MAP3K15: variants seen among roughly 807,000 people sequenced by gnomAD.
MAP3K15 encodes the protein mitogen-activated protein kinase kinase kinase 15.
In MAP3K15, 124 loss-of-function variants were observed where a neutral mutation model predicts 99.5. That is an observed-to-expected ratio of 1.25 (90% CI 1.08 to 1.45). MAP3K15 has a LOEUF of 1.45. Among genes scored for constraint, MAP3K15 ranks in the 40% most tolerant of loss-of-function variants. MAP3K15 has a pLI of 0.00. For missense variants in MAP3K15, 1,242 were observed against 1,079.7 expected, an observed-to-expected ratio of 1.15 and a Z score of -2.11; for synonymous variants, 494 against 439.6, an observed-to-expected ratio of 1.12 and a Z score of -1.55.
At chrX:19,407,736 G>A (rs1223820508) in intron 12 of MAP3K15, among the ~76,000 whole-genome samples, 1 of 112,376 alleles carries the variant, frequency 8.9e-6, no homozygotes, top group Non-Finnish European at 1.9e-5. Flanking sequence ...TGTAGCTCAA[G>A]AAAGGCCTTT....
rs2064556725 is a variant in MAP3K15, at chrX:19,515,483, G to C, written c.-222C>G. ...ACGCTCAGGCCCCAAGGCCCCCAGC[G>C]CCCTTTGAAGGCCGGAGAGAAAGAG... On this transcript the variant is annotated 5_prime_UTR_variant, in exon 1 of 29. Transcript: ENST00000338883. Among the ~76,000 whole-genome samples, 1 of 110,593 alleles carries C rather than the reference G, an allele frequency of 9.0e-6. No homozygotes were observed. The highest frequency in any genetic ancestry group is 1.9e-5 in the Non-Finnish European group (1 of 52,406).
At chrX:19,366,342 T>A (rs778208923) in intron 25 of MAP3K15, among the ~76,000 whole-genome samples, 1 of 111,793 alleles carries the variant, frequency 8.9e-6, no homozygotes, top group Admixed American at 9.5e-5. Flanking sequence ...AGACACATCA[T>A]CCTGTCTAAG....
rs1292082929 is a variant in MAP3K15, at chrX:19,485,711, G to C, written c.525+771C>G. ...GAATAGGAAGAGAGTCTGTAGGCCT[G>C]TTCCTTCTAGAAGAGCTAGCAGGAA... On this transcript the variant is annotated intron_variant, in intron 3 of 28. Coordinates refer to ENST00000338883, the MANE Select transcript of MAP3K15 (RefSeq NM_001001671.4). 3.9e-4 allele frequency among the ~76,000 whole-genome samples: 43 copies of C among 110,471 alleles called. 1 individual carries two copies. In the Admixed American group the frequency reaches 4.2e-3, roughly 11 times the overall value.
intron 11 of MAP3K15, 113 bp downstream of exon 11, chrX:19,413,244 C>G: frequency 1.9e-6 from 1 of 526,927 alleles, no homozygotes. Context: ...GATACTCTCT[C>G]ATATATTCTC....
rs1250143605 is a variant in MAP3K15, at chrX:19,453,393, AG to A, written c.995+3519del. 2.6e-4 allele frequency among the ~76,000 whole-genome samples: 28 copies of A among 109,082 alleles called. No individual in the cohort carries two copies. In the Admixed American group the frequency reaches 2.6e-3, roughly 10 times the overall value. 94.7% of individuals were successfully genotyped at this position (109,082 alleles called of 115,157 possible). On this transcript the variant is annotated intron_variant, in intron 6 of 28. Coordinates refer to ENST00000338883, the MANE Select transcript of MAP3K15 (RefSeq NM_001001671.4). ...TGCGCACCTGTAATCCCAGCTACTC[AG>A]GGGGCTAAGGCAGCAGAATCGCTTG...
intron 1 of MAP3K15, among the ~76,000 whole-genome samples, chrX:19,508,615 G>A (rs2064496155): frequency 8.9e-6 from 1 of 112,048 alleles, no homozygotes; most frequent in African/African-American, 3.2e-5. Flanking sequence ...GGGGGTGGTG[G>A]TTCACGCCTG....
At chrX:19,373,423 A>C in intron 21 of MAP3K15, 113 bp downstream of exon 21, 1 of 945,707 alleles carries the variant, frequency 1.1e-6, no homozygotes, top group Non-Finnish European at 1.4e-6. Flanking sequence ...GCCCTGCAGA[A>C]GGGAAGTAAA....
At chrX:19,493,347 A>AC (rs2064380656) in intron 1 of MAP3K15, among the ~76,000 whole-genome samples, 1 of 72,471 alleles carries the variant, frequency 1.4e-5, no homozygotes, top group African/African-American at 5.3e-5. Context: ...ACTGCTACTC[A>AC]AAAAAAAAAA....
rs776027024 is a variant in MAP3K15, at chrX:19,513,712, G to C, written c.361+1189C>G. On this transcript the variant is annotated intron_variant, in intron 1 of 28. Transcript: ENST00000338883. ...CTATCTCATCAGCTTTTAGGTTTAGGGTAGGCACTGTTAACTCCCTTTGAC... is the reference window on the plus strand; with the variant it reads ...CTATCTCATCAGCTTTTAGGTTTAGCGTAGGCACTGTTAACTCCCTTTGAC... 2.4e-4 allele frequency among the ~76,000 whole-genome samples: 27 copies of C among 111,473 alleles called. 1 individual carries two copies. Among genetic ancestry groups the C allele is most frequent in the African/African-American group, 8.5e-4 (26 of 30,657 alleles).
chrX:19,374,339 C>T, intron 20 of MAP3K15, 138 bp downstream of exon 20: 4 of 553,341 alleles, frequency 7.2e-6, no homozygotes, highest in Non-Finnish European at 8.7e-6. Flanking sequence ...GGCCCCGTCA[C>T]TCTTCACAAA....
At chrX:19,451,068 T>C (rs1306303998) in intron 6 of MAP3K15, among the ~76,000 whole-genome samples, 1 of 108,575 alleles carries the variant, frequency 9.2e-6, no homozygotes, top group African/African-American at 3.3e-5. Context: ...GGTGGATTAC[T>C]TGAGGTCAGG....
chrX:19,407,052 T>G (rs2063653643), intron 13 of MAP3K15, 136 bp downstream of exon 13: 3 of 406,713 alleles, frequency 7.4e-6, no homozygotes, highest in African/African-American at 5.3e-5. Context: ...TTACAGAAAT[T>G]TTAGAGCTTT....
chrX:19,425,525 A>G lies in MAP3K15; in HGVS notation c.1439+6T>C. 8.4e-7 allele frequency: 1 copy of G among 1,191,983 alleles called. No homozygotes were observed. The highest frequency in any genetic ancestry group is 3.0e-5 in the East Asian group (1 of 33,704). ...TGGGTGATGACAACACACAGACACA[A>G]CTCACCAGACTGGAGGTTTCAGTTT... On this transcript the variant is annotated splice_donor_region_variant and intron_variant, in intron 9 of 28. Coordinates refer to ENST00000338883, the MANE Select transcript of MAP3K15 (RefSeq NM_001001671.4).
intron 9 of MAP3K15, among the ~76,000 whole-genome samples, chrX:19,421,355 A>G (rs35495672): frequency 9.0e-6 from 1 of 111,505 alleles, no homozygotes; most frequent in Non-Finnish European, 1.9e-5. Context: ...ATCAATGTGC[A>G]AAAATCACAA....
chrX:19,375,703 C>A (rs2063412085), intron 19 of MAP3K15, among the ~76,000 whole-genome samples: 1 of 112,344 alleles, frequency 8.9e-6, no homozygotes, highest in Non-Finnish European at 1.9e-5. Flanking sequence ...TGGGGGCTGG[C>A]TCAGCCTCCA....
At chrX:19,493,346 C>CAAA (rs755083263) in intron 1 of MAP3K15, among the ~76,000 whole-genome samples, 596 of 49,128 alleles carry the variant, frequency 0.012, 6 homozygotes, top group African/African-American at 0.032. Flanking sequence ...TACTGCTACT[C>CAAA]AAAAAAAAAA....
intron 11 of MAP3K15, among the ~76,000 whole-genome samples, chrX:19,411,287 G>T (rs1030685438): frequency 8.9e-6 from 1 of 112,152 alleles, no homozygotes; most frequent in Non-Finnish European, 1.9e-5. Context: ...CTGAGCATTT[G>T]GCTCAAGAGA....
At chrX:19,466,637 T>C (rs996747806) in intron 3 of MAP3K15, 4 of 112,450 alleles carry the variant, frequency 3.6e-5, no homozygotes, top group Non-Finnish European at 7.5e-5. Context: ...CAGTTCTTTA[T>C]AGCAGTATGA....
chrX:19,393,975 T>C (rs1421845901), intron 16 of MAP3K15, among the ~76,000 whole-genome samples: 2 of 108,896 alleles, frequency 1.8e-5, no homozygotes, highest in Non-Finnish European at 3.8e-5. Flanking sequence ...GGTTTCTCCA[T>C]GTTGGCCAGG....
Sources: gnomAD v4.1 joint callset for allele counts (sites outside exome capture counted in the v4.1 genomes callset) on GRCh38, gnomAD v4.1.1 for gene constraint, MANE v1.5 for transcripts, NCBI Gene and HGNC (gene_info 2026-07-23, HGNC 2026-07-21) for gene names.